CFAP54: variants seen among roughly 807,000 people sequenced by gnomAD.
CFAP54 encodes the protein cilia and flagella associated protein 54.
In CFAP54, 290 loss-of-function variants were observed where a neutral mutation model predicts 370.4. That is an observed-to-expected ratio of 0.78 (90% confidence interval 0.71 to 0.86). The LOEUF (loss-of-function observed/expected upper bound fraction) is 0.86, where lower values mean the gene tolerates loss of function less well. Ranked by LOEUF, CFAP54 falls within the 40% of genes least tolerant of loss-of-function variation. The probability of loss-of-function intolerance (pLI) is 0.00; values close to 1 mark genes in which losing one functional copy is unlikely to be tolerated. For missense variants in CFAP54, 3,399 were observed against 3,528.7 expected (o/e 0.96, Z 0.93); for synonymous variants, 1,206 against 1,236.5 (o/e 0.98, Z 0.52).
chr12:96,562,972 C>T (rs1955831579), intron 17 of CFAP54, among the ~76,000 whole-genome samples: 3 of 152,036 alleles, frequency 2.0e-5, no homozygotes, highest in Admixed American at 2.0e-4. Flanking sequence ...TAATCTTGAA[C>T]ATGTTTTGGG....
intron 58 of CFAP54, among the ~76,000 whole-genome samples, chr12:96,762,181 G>A (rs932062990): frequency 1.3e-4 from 20 of 152,222 alleles, no homozygotes; most frequent in African/African-American, 4.6e-4. Context: ...TTGTCAAAGG[G>A]ATTTTTGTTT....
At chr12:96,585,768 T>A (rs1163471648) in intron 22 of CFAP54, among the ~76,000 whole-genome samples, 1 of 152,208 alleles carries the variant, frequency 6.6e-6, no homozygotes, top group Non-Finnish European at 1.5e-5. Context: ...CCCAGTCCTA[T>A]CTCTCAACTC....
rs1467203085 is a variant in CFAP54, at chr12:96,644,361, A to T, written c.4500A>T (p.Leu1500=). ...ACTTTAACCTGGTTTTACAAAAGCT[A>T]TGGGAGTGTACGAAGATGAAATTTG... ...GAHFNLVLQK[L]WECTKMKFGT... The change falls in exon 33 of 68, where the codon CTA becomes CTT. Residue 1500 remains leucine (L), a synonymous_variant. Coordinates refer to ENST00000524981, the MANE Select transcript of CFAP54 (RefSeq NM_001306084.2). 6.5e-7 allele frequency: 1 copy of T among 1,535,964 alleles called. No homozygotes were observed. The highest frequency in any genetic ancestry group is 8.7e-7 in the Non-Finnish European group (1 of 1,146,784).
At chr12:96,723,672 CT>C (rs1592726189) in intron 50 of CFAP54, among the ~76,000 whole-genome samples, 1 of 149,736 alleles carries the variant, frequency 6.7e-6, no homozygotes, top group East Asian at 1.9e-4. Flanking sequence ...TTTTTTTTTT[CT>C]TTTTTTAAAT....
chr12:96,618,359 G>A (rs115224728), intron 26 of CFAP54, among the ~76,000 whole-genome samples: 3,387 of 152,242 alleles, frequency 0.022, 133 homozygotes, highest in African/African-American at 0.078. Flanking sequence ...GGTGGTGTGA[G>A]GACTAGAGCA....
rs963850117 is a variant in CFAP54 at position 96,630,659 on chromosome 12, C to T, written c.4316+8C>T. ...AATGGTGGCACATGAAAGGTATTCA[C>T]TAATTAATTAATTCAATAAAAGTTT... On this transcript the variant is annotated splice_region_variant and intron_variant, in intron 32 of 67. Transcript: ENST00000524981. 37 of 1,438,000 alleles carry T rather than the reference C, an allele frequency of 2.6e-5. No individual in the cohort carries two copies. The highest frequency in any genetic ancestry group is 5.1e-5 in the Admixed American group (2 of 39,444). The allele number at this position is 1,438,000 out of a possible 1,614,324, so 89.1% of individuals were successfully genotyped here. A position where few individuals can be genotyped will look rare whatever the true frequency, so the allele number is the denominator to read the frequency against.
intron 65 of CFAP54, among the ~76,000 whole-genome samples, chr12:96,822,496 T>G (rs34449): frequency 0.15 from 22,408 of 152,198 alleles, 2,024 homozygotes; most frequent in Middle Eastern, 0.26. Flanking sequence ...TTTGAGGAAC[T>G]ATTATGTGCA....
chr12:96,795,641 T>C (rs1565981092), intron 63 of CFAP54, among the ~76,000 whole-genome samples: 1 of 151,818 alleles, frequency 6.6e-6, no homozygotes, highest in Non-Finnish European at 1.5e-5. Flanking sequence ...GCCCTCCCAA[T>C]GTCAGTGAGT....
chr12:96,823,499 C>T lies in CFAP54; in HGVS notation c.9097-5515C>T, dbSNP rs74367466. ...GATATGAAGTCATGGAACTGAATCTCATATTCAGGAAACAATAAGATCTGT... is the reference window on the plus strand; with the variant it reads ...GATATGAAGTCATGGAACTGAATCTTATATTCAGGAAACAATAAGATCTGT... On this transcript the variant is annotated intron_variant, in intron 65 of 67. Transcript: ENST00000524981. Among the ~76,000 whole-genome samples, 982 of 152,276 alleles carry T rather than the reference C, an allele frequency of 6.4e-3. 11 individuals carry two copies. The highest frequency in any genetic ancestry group is 0.022 in the African/African-American group (925 of 41,540).
intron 55 of CFAP54, among the ~76,000 whole-genome samples, chr12:96,748,703 A>G (rs1262414652): frequency 6.6e-6 from 1 of 152,170 alleles, no homozygotes; most frequent in Non-Finnish European, 1.5e-5. Context: ...TCAAATGAGA[A>G]CTGCAGTGTC....
intron 33 of CFAP54, chr12:96,645,396 T>C (rs1956776859): frequency 3.5e-6 from 1 of 287,370 alleles, no homozygotes. Context: ...TTACAAGGGA[T>C]GTGAAGGACC....
At chr12:96,685,497 C>T (rs1957318989) in intron 42 of CFAP54, among the ~76,000 whole-genome samples, 1 of 152,084 alleles carries the variant, frequency 6.6e-6, no homozygotes, top group Non-Finnish European at 1.5e-5. Context: ...ACTCATGGAT[C>T]CCAAGTGCCA....
chr12:96,694,245 A>C (rs1326500184), intron 45 of CFAP54, among the ~76,000 whole-genome samples: 3 of 152,236 alleles, frequency 2.0e-5, no homozygotes, highest in Non-Finnish European at 4.4e-5. Flanking sequence ...AAAAAATCTT[A>C]TAATCCAGAA....
At chr12:96,735,476 A>G (rs1009447221) in intron 50 of CFAP54, among the ~76,000 whole-genome samples, 1 of 152,228 alleles carries the variant, frequency 6.6e-6, no homozygotes, top group Admixed American at 6.5e-5. Context: ...GAAGAGATCC[A>G]TCTCATAGTT....
chr12:96,577,719 A>G (rs921923374), intron 20 of CFAP54, among the ~76,000 whole-genome samples: 7 of 152,026 alleles, frequency 4.6e-5, no homozygotes, highest in African/African-American at 1.2e-4. Context: ...ATATTAGCTG[A>G]TATCTTTCCA....
At chr12:96,628,856 G>C (rs141716863) in intron 30 of CFAP54, among the ~76,000 whole-genome samples, 2 of 151,770 alleles carry the variant, frequency 1.3e-5, no homozygotes, top group Admixed American at 1.3e-4. Context: ...TTTTATTCAA[G>C]TTTTGGGATC....
chr12:96,860,118 A>G lies in CFAP54; in HGVS notation c.9172-701A>G, dbSNP rs1044238779. The stretch of plus-strand genomic sequence containing the variant: ...TTTAACAAGTAGACAAGAAATTAAT[A>G]AAAACTTGTTCTCTAATTTTTTTTT... On this transcript the variant is annotated intron_variant, in intron 66 of 67. Coordinates refer to ENST00000524981, the MANE Select transcript of CFAP54 (RefSeq NM_001306084.2). 1.5e-4 allele frequency among the ~76,000 whole-genome samples: 22 copies of G among 147,764 alleles called. No homozygotes were observed. The South Asian group carries it at 4.3e-3, about 29-fold the overall frequency.
chr12:96,540,590 C>T (rs1955559408), intron 13 of CFAP54, among the ~76,000 whole-genome samples: 1 of 152,286 alleles, frequency 6.6e-6, no homozygotes, highest in East Asian at 1.9e-4. Context: ...GATGTGCAGA[C>T]TCTAGACTTA....
intron 16 of CFAP54, 56 bp downstream of exon 16, chr12:96,554,366 C>A (rs1955730017): frequency 6.9e-7 from 1 of 1,447,942 alleles, no homozygotes; most frequent in Non-Finnish European, 9.0e-7. Flanking sequence ...GGGAAGAAAA[C>A]TGGCCTTGAA....
Sources: gnomAD v4.1 joint callset for allele counts (sites outside exome capture counted in the v4.1 genomes callset) on GRCh38, gnomAD v4.1.1 for gene constraint, MANE v1.5 for transcripts, NCBI Gene and HGNC (gene_info 2026-07-23, HGNC 2026-07-21) for gene names.